Variants in ZNHIT1 observed in about 807,000 individuals in gnomAD.
ZNHIT1 encodes zinc finger HIT-type containing 1.
A neutral mutation model predicts 21.4 loss-of-function variants in ZNHIT1; 20 were observed. That is an observed-to-expected ratio of 0.93 (90% CI 0.66 to 1.36). The LOEUF (loss-of-function observed/expected upper bound fraction) is 1.36. ZNHIT1 is among the 40% of genes most tolerant of loss of function. The pLI, the probability that ZNHIT1 is intolerant of heterozygous loss-of-function variation, is 0.00. For synonymous variants in ZNHIT1, 79 were observed against 84.0 expected (o/e 0.94, Z 0.32); for missense variants, 170 against 213.5 (o/e 0.80, Z 1.27).
intron 2 of ZNHIT1, 44 bp downstream of exon 2, chr7:101,222,818 G>A (rs757872609): frequency 1.3e-6 from 2 of 1,588,516 alleles, no homozygotes; most frequent in Non-Finnish European, 1.7e-6. Context: ...ACTGAGAGGA[G>A]GGCGGGAGAG....
chr7:101,220,123 T>G (rs1248642111), intron 1 of ZNHIT1: 5 of 139,886 alleles, frequency 3.6e-5, no homozygotes, highest in African/African-American at 8.9e-5. Flanking sequence ...TTTTTTTTTT[T>G]TTTTTTTTTT....
At chr7:101,220,112 G>GTTTTTTTTTTTT (rs10615658) in intron 1 of ZNHIT1, 3 of 105,228 alleles carry the variant, frequency 2.9e-5, no homozygotes, top group Non-Finnish European at 3.8e-5. Context: ...TTGGTTTTGG[G>GTTTTTTTTTTTT]TTTTTTTTTT....
At chr7:101,223,595 G>T in intron 3 of ZNHIT1, 39 bp downstream of exon 3, 1 of 1,614,128 alleles carries the variant, frequency 6.2e-7, no homozygotes, top group Non-Finnish European at 8.5e-7. Context: ...CCACAGGGAA[G>T]GGGTGAGCCT....
In ZNHIT1 at chr7:101,223,531, A is replaced by G. The variant is rs1277895387; in HGVS notation, c.248A>G (p.Asn83Ser). 1 of 1,614,122 alleles carries G rather than the reference A, an allele frequency of 6.2e-7. No homozygotes were observed. Among genetic ancestry groups the G allele is most frequent in the Non-Finnish European group, 8.5e-7 (1 of 1,180,034 alleles). The change falls in exon 3 of 5, where the codon AAC (asparagine) becomes AGC (serine). Residue 83 changes from asparagine to serine, a missense_variant. Coordinates refer to ENST00000305105, the MANE Select transcript of ZNHIT1 (RefSeq NM_006349.3). ...CATTTTAAACTTCGCTTCCGAAAAA[A>G]CTTTCAGGCCCTGTTGGAGGAGCAG... Reference protein sequence around the residue: ...GDHFKLRFRKNFQALLEEQNL... With the variant: ...GDHFKLRFRKSFQALLEEQNL...
chr7:101,223,850 T>A lies in ZNHIT1; in HGVS notation c.443+8T>A, dbSNP rs370226922. The A allele has an allele frequency of 3.1e-6, 5 of 1,614,008 alleles. No individual in the cohort carries two copies. The highest frequency in any genetic ancestry group is 4.2e-6 in the Non-Finnish European group (5 of 1,179,940). On this transcript the variant is annotated splice_region_variant and intron_variant, in intron 4 of 4. Transcript: ENST00000305105. ...GACCCACCAGGAGACCAGGTGAGCA[T>A]GAGACCTGCTGTCCACTCCCACTCC...
Position 101,222,797 on chromosome 7 carries a change from C to T in ZNHIT1, c.193+23C>T, listed in dbSNP as rs766009904. On this transcript the variant is annotated intron_variant, in intron 2 of 4. Transcript: ENST00000305105. The stretch of plus-strand genomic sequence containing the variant: ...CTGGTGAGGCGGATGGAGGAGGAAG[C>T]GGGGGATGGGACTGAGAGGAGGGCG... 44 of 1,608,520 alleles carry T rather than the reference C, an allele frequency of 2.7e-5. No homozygotes were observed. In the Middle Eastern group the frequency reaches 1.7e-3, roughly 60 times the overall value.
chr7:101,223,620 T>G, intron 3 of ZNHIT1, 53 bp from the exon 4 acceptor site: 5 of 1,613,440 alleles, frequency 3.1e-6, no homozygotes, highest in Non-Finnish European at 4.2e-6. Context: ...CGGGCAGGTG[T>G]TCGCTGCGTG....
At position 101,223,670 on chromosome 7, in the gene ZNHIT1, C is replaced by T. The variant is rs370222773; in HGVS notation, c.274-3C>T. 2.5e-6 allele frequency: 4 copies of T among 1,610,474 alleles called. No individual in the cohort carries two copies. Among genetic ancestry groups the T allele is most frequent in the Non-Finnish European group, 3.4e-6 (4 of 1,178,110 alleles). ...TTCTAGAGCCGGCCCCTTGTCTCTG[C>T]AGAACTTGAGTGTGGCCGAGGGCCC... On this transcript the variant is annotated splice_polypyrimidine_tract_variant and splice_region_variant and intron_variant, in intron 3 of 4. Coordinates refer to ENST00000305105, the MANE Select transcript of ZNHIT1 (RefSeq NM_006349.3).
intron 1 of ZNHIT1, chr7:101,221,842 G>T (rs1385181460): frequency 6.6e-6 from 1 of 152,138 alleles, no homozygotes; most frequent in Non-Finnish European, 1.5e-5. Context: ...GTCCAAGGAG[G>T]AGGAGGAAGG....
intron 1 of ZNHIT1, 173 bp from the exon 2 acceptor site, chr7:101,222,431 G>A (rs1358785100): frequency 2.4e-5 from 12 of 502,558 alleles, no homozygotes; most frequent in African/African-American, 1.6e-4. Context: ...GACAGGAAGT[G>A]TGGGCCCAGG....
intron 1 of ZNHIT1, 135 bp downstream of exon 1, chr7:101,218,352 C>A: frequency 1.0e-6 from 1 of 958,858 alleles, no homozygotes. Flanking sequence ...TAGCTCACTG[C>A]AGCCTCGATT....
rs571401683 is a variant in ZNHIT1, at chr7:101,222,801, G to A, written c.193+27G>A. 158 of 1,608,228 alleles carry A rather than the reference G, an allele frequency of 9.8e-5. No homozygotes were observed. The East Asian group carries it at 3.5e-3, about 36-fold the overall frequency. Reference sequence around the variant, plus strand: ...TGAGGCGGATGGAGGAGGAAGCGGGGGATGGGACTGAGAGGAGGGCGGGAG... The same window carrying A: ...TGAGGCGGATGGAGGAGGAAGCGGGAGATGGGACTGAGAGGAGGGCGGGAG... On this transcript the variant is annotated intron_variant, in intron 2 of 4. Transcript: ENST00000305105.
Position 101,223,720 on chromosome 7 carries a change from A to G in ZNHIT1, c.321A>G (p.Gly107=), listed in dbSNP as rs994787818. 25 of 1,612,276 alleles carry G rather than the reference A, an allele frequency of 1.6e-5. No individual in the cohort carries two copies. Among genetic ancestry groups the G allele is most frequent in the Admixed American group, 1.0e-4 (6 of 59,790 alleles). Residue 107 remains glycine, a synonymous_variant, in exon 4 of 5, where the codon GGA becomes GGG. Coordinates refer to ENST00000305105, the MANE Select transcript of ZNHIT1 (RefSeq NM_006349.3). ...EGPNYLTACA[G]PPSRPQRPFC... ...CTAACTACCTGACGGCCTGTGCGGG[A>G]CCCCCATCGCGGCCCCAGCGCCCCT... is the stretch of plus-strand genomic sequence containing the variant.
chr7:101,222,748 C>T lies in ZNHIT1; in HGVS notation c.167C>T (p.Pro56Leu). 1 of 1,614,084 alleles carries T rather than the reference C, an allele frequency of 6.2e-7. No homozygotes were observed. The highest frequency in any genetic ancestry group is 1.3e-5 in the African/African-American group (1 of 75,060). The change falls in exon 2 of 5, where the codon CCT (proline) becomes CTT (leucine). Residue 56 changes from proline to leucine, a missense_variant. Coordinates refer to ENST00000305105, the MANE Select transcript of ZNHIT1 (RefSeq NM_006349.3). ...AGLPQLGKRL[P>L]QFDDDADTGK... is the part of the protein sequence containing the mutation. ...CTCCCTCAGCTCGGCAAGAGACTGC[C>T]TCAGTTTGATGACGATGCGGACACT... is the stretch of plus-strand genomic sequence containing the variant.
At position 101,223,818 on chromosome 7, in the gene ZNHIT1, G is replaced by C; in HGVS notation, c.419G>C (p.Cys140Ser). The change falls in exon 4 of 5, where the codon TGT becomes TCT. Residue 140 changes from cysteine to serine, a missense_variant. Cys to Ser is a moderately radical substitution (Grantham distance 112). Coordinates refer to ENST00000305105, the MANE Select transcript of ZNHIT1 (RefSeq NM_006349.3). ...SCGARYCTVRCLGTHQETRCL... is the reference protein window; with the variant it reads ...SCGARYCTVRSLGTHQETRCL... Reference sequence around the variant, plus strand: ...GGTGCCCGGTACTGCACTGTGCGCTGTCTGGGGACCCACCAGGAGACCAGG... The same window carrying C: ...GGTGCCCGGTACTGCACTGTGCGCTCTCTGGGGACCCACCAGGAGACCAGG... The C allele has an allele frequency of 6.2e-7, 1 of 1,614,158 alleles. No individual in the cohort carries two copies. Among genetic ancestry groups the C allele is most frequent in the South Asian group, 1.1e-5 (1 of 91,092 alleles).
At chr7:101,219,112 CT>C (rs571023106) in intron 1 of ZNHIT1, 70 of 145,956 alleles carry the variant, frequency 4.8e-4, no homozygotes, top group Middle Eastern at 3.5e-3. Flanking sequence ...CCAGCAAAGA[CT>C]TTTTTTTTTT....
rs754749639 is a variant in ZNHIT1, at chr7:101,218,218, G to A, written c.22+1G>A. 1.1e-5 allele frequency: 18 copies of A among 1,612,680 alleles called. No homozygotes were observed. In the Admixed American group the frequency reaches 2.8e-4, roughly 26 times the overall value. On this transcript the variant is annotated splice_donor_variant, in intron 1 of 4. Transcript: ENST00000305105. LOFTEE classifies it high-confidence loss of function. ...CCAATGGTGGAGAAGAAAACTTCGG[G>A]TATGTGAGCCCCCGCGGTTCGCCCC... is the stretch of plus-strand genomic sequence containing the variant.
At chr7:101,223,396 T>C (rs1454481732) in intron 2 of ZNHIT1, 81 bp from the exon 3 acceptor site, 3 of 1,483,918 alleles carry the variant, frequency 2.0e-6, no homozygotes, top group Non-Finnish European at 2.8e-6. Flanking sequence ...GGAGGGCACA[T>C]GGGCATGGGG....
chr7:101,223,869 C>T (rs1340853909), intron 4 of ZNHIT1, 27 bp downstream of exon 4: 1 of 1,614,088 alleles, frequency 6.2e-7, no homozygotes, highest in South Asian at 1.1e-5. Context: ...CTGTCCACTC[C>T]CACTCCCTCC....
Sources: allele counts gnomAD v4.1 joint callset, GRCh38; gene constraint gnomAD v4.1.1; transcripts MANE v1.5; gene names NCBI Gene and HGNC (gene_info 2026-07-23, HGNC 2026-07-21).